ATAD5: variants seen among roughly 807,000 people sequenced by gnomAD.
The protein encoded by ATAD5 is ATPase family AAA domain-containing protein 5.
A neutral mutation model predicts 176.9 loss-of-function variants in ATAD5; 58 were observed. The observed-to-expected ratio is 0.33, with a 90% CI of 0.27 to 0.41. ATAD5 has a LOEUF of 0.41. ATAD5 is among the 10% of genes least tolerant of loss of function. ATAD5 has a pLI of 1.00. For synonymous variants in ATAD5, 640 were observed against 712.6 expected, an observed-to-expected ratio of 0.90 and a Z score of 1.62; for missense variants, 1,789 against 2,094.1, an observed-to-expected ratio of 0.85 and a Z score of 2.84.
At position 30,834,613 on chromosome 17, in the gene ATAD5, C is replaced by A; in HGVS notation, c.532C>A (p.Gln178Lys). The change falls in exon 2 of 23, where the codon CAA (glutamine) becomes AAA (lysine). Residue 178 changes from glutamine (Q) to lysine (K), a missense_variant. Physicochemically the swap from Gln to Lys is moderately conservative, Grantham distance 53. Transcript: ENST00000321990. ...LAENIQDTKS[Q>K]PNTMTSLQNS... ...AGAAAACATTCAAGATACAAAAAGT[C>A]AACCAAATACTATGACCTCCCTGCA... The A allele has an allele frequency of 6.2e-7, 1 of 1,611,286 alleles. No individual in the cohort carries two copies. Among genetic ancestry groups the A allele is most frequent in the South Asian group, 1.1e-5 (1 of 90,080 alleles).
intron 3 of ATAD5, among the ~76,000 whole-genome samples, chr17:30,837,775 G>A (rs1317191618): frequency 6.6e-6 from 1 of 152,074 alleles, no homozygotes; most frequent in South Asian, 2.1e-4. Flanking sequence ...AGAGAGAGGG[G>A]TCTCCACCCT....
chr17:30,884,675 C>T (rs1334346120), intron 18 of ATAD5, among the ~76,000 whole-genome samples: 6 of 150,612 alleles, frequency 4.0e-5, no homozygotes, highest in South Asian at 2.1e-4. Flanking sequence ...GTGATCTGCC[C>T]GCCTCGGCCT....
chr17:30,844,653 C>T (rs572288265), intron 5 of ATAD5, among the ~76,000 whole-genome samples, 182 bp from the exon 6 acceptor site: 28 of 136,964 alleles, frequency 2.0e-4, no homozygotes, highest in Admixed American at 3.3e-4. Context: ...GAGGCTGAGG[C>T]ATGAGAATCA....
In ATAD5 at chr17:30,831,976, C is replaced by A. The variant is rs920669410; in HGVS notation, c.-372C>A. ...TAAACTCCGCCCCTTGCGCGCAGGA[C>A]GGCGCGAAAACCCAATTGACAAGAA... On this transcript the variant is annotated 5_prime_UTR_variant, in exon 1 of 23. Transcript: ENST00000321990. 1.1e-4 allele frequency: 35 copies of A among 312,198 alleles called. No individual in the cohort carries two copies. Among genetic ancestry groups the A allele is most frequent in the South Asian group, 3.2e-4 (2 of 6,310 alleles). The allele number at this position is 312,198 out of a possible 1,614,324, so 19.3% of individuals were successfully genotyped here.
intron 14 of ATAD5, among the ~76,000 whole-genome samples, chr17:30,872,014 G>C (rs188963929): frequency 2.6e-5 from 4 of 152,246 alleles, no homozygotes; most frequent in Admixed American, 6.5e-5. Flanking sequence ...CTCGAAGTGG[G>C]CTTGGGCAAT....
At chr17:30,885,994 A>G (rs908326033) in intron 18 of ATAD5, among the ~76,000 whole-genome samples, 1 of 151,954 alleles carries the variant, frequency 6.6e-6, no homozygotes, top group Non-Finnish European at 1.5e-5. Context: ...TGTTGAAATC[A>G]TATTTTTCTA....
intron 10 of ATAD5, among the ~76,000 whole-genome samples, chr17:30,861,054 C>T (rs977115843): frequency 7.2e-5 from 11 of 152,028 alleles, no homozygotes; most frequent in Admixed American, 3.3e-4. Context: ...TCACCCACCT[C>T]GGCCTCCCAA....
At chr17:30,869,122 G>A (rs1039974444) in intron 12 of ATAD5, 126 bp from the exon 13 acceptor site, 3 of 1,144,644 alleles carry the variant, frequency 2.6e-6, no homozygotes, top group African/African-American at 1.6e-5. Flanking sequence ...CACTGCGTCC[G>A]GCCTGTATAA....
chr17:30,870,441 C>T (rs1443003605), intron 14 of ATAD5, among the ~76,000 whole-genome samples: 6 of 151,926 alleles, frequency 3.9e-5, no homozygotes, highest in Non-Finnish European at 8.8e-5. Context: ...GATCTATGGG[C>T]CTTATTAGAT....
Position 30,837,297 on chromosome 17 carries a change from A to G in ATAD5, c.2059A>G (p.Thr687Ala), listed in dbSNP as rs778073305. 2.5e-6 allele frequency: 4 copies of G among 1,569,378 alleles called. No homozygotes were observed. The highest frequency in any genetic ancestry group is 2.6e-6 in the Non-Finnish European group (3 of 1,159,964). ...EKSEATDGGF[T>A]SQIRKASNTS... is the part of the protein sequence containing the mutation. ...ATCTGAAGCAACTGATGGAGGTTTT[A>G]CTTCTCAGATTAGAAAGGTAATTAA... The change falls in exon 3 of 23, where the codon ACT (threonine) becomes GCT (alanine). Residue 687 changes from threonine to alanine, a missense_variant. This residue lies in a region of ATAD5 where 487 missense variants were observed against 573.6 expected (regional missense o/e 0.85). Transcript: ENST00000321990.
intron 2 of ATAD5, among the ~76,000 whole-genome samples, chr17:30,836,327 C>T (rs1229232839): frequency 2.6e-5 from 4 of 151,586 alleles, no homozygotes; most frequent in African/African-American, 4.8e-5. Flanking sequence ...TACAGGCACC[C>T]GCCACCACGC....
intron 18 of ATAD5, among the ~76,000 whole-genome samples, chr17:30,881,909 T>TC (rs143533458): frequency 0.096 from 14,201 of 147,910 alleles, 1,899 homozygotes; most frequent in African/African-American, 0.31. Context: ...CAAGACCCTG[T>TC]CCCCCCCCCA....
At chr17:30,846,270 G>A (rs906768624) in intron 6 of ATAD5, among the ~76,000 whole-genome samples, 1 of 151,918 alleles carries the variant, frequency 6.6e-6, no homozygotes, top group African/African-American at 2.4e-5. Flanking sequence ...ATTATTTTGT[G>A]TCTGGCTGCT....
chr17:30,874,024 G>A (rs868557901), intron 14 of ATAD5, among the ~76,000 whole-genome samples: 1 of 151,980 alleles, frequency 6.6e-6, no homozygotes, highest in Non-Finnish European at 1.5e-5. Context: ...AATTAGCCAG[G>A]TGTGGTGGTG....
Position 30,835,638 on chromosome 17 carries a change from T to C in ATAD5, c.1557T>C (p.Ser519=), listed in dbSNP as rs1905691990. 1 of 1,605,306 alleles carries C rather than the reference T, an allele frequency of 6.2e-7. No individual in the cohort carries two copies. The highest frequency in any genetic ancestry group is 8.5e-7 in the Non-Finnish European group (1 of 1,177,466). Residue 519 remains serine, a synonymous_variant, in exon 2 of 23, where the codon AGT becomes AGC. Coordinates refer to ENST00000321990, the MANE Select transcript of ATAD5 (RefSeq NM_024857.5). ...LKEKQYQNRM[S]LRQRKTEFFK... is the part of the protein sequence containing the mutation. ...AGAAACAATATCAAAATAGAATGAG[T>C]TTAAGACAAAGGAAAACAGAGTTTT...
intron 18 of ATAD5, among the ~76,000 whole-genome samples, chr17:30,879,967 T>C (rs1316231526): frequency 6.7e-6 from 1 of 150,308 alleles, no homozygotes; most frequent in Non-Finnish European, 1.5e-5. Flanking sequence ...GAGGTTACAG[T>C]GAGCTGAAAT....
At chr17:30,881,778 G>A (rs1320939288) in intron 18 of ATAD5, among the ~76,000 whole-genome samples, 1 of 151,986 alleles carries the variant, frequency 6.6e-6, no homozygotes, top group Non-Finnish European at 1.5e-5. Flanking sequence ...GCTGGATGTG[G>A]TAGCGCACAC....
At position 30,869,574 on chromosome 17, in the gene ATAD5, C is replaced by T. The variant is rs1244033902; in HGVS notation, c.3535C>T (p.Gln1179Ter). ...GTTGAAGGAAGCTACTCAGTCCCAT[C>T]AAGTAGACAAACAAGGTGTAAACTC... ...SQLKEATQSH[Q>*]VDKQGVNSQK... Residue 1179 changes from glutamine (Q) to a stop codon, truncating the protein, a stop_gained, in exon 14 of 23, where the codon CAA becomes TAA. Transcript: ENST00000321990. LOFTEE classifies it high-confidence loss of function. The T allele has an allele frequency of 1.2e-6, 2 of 1,609,822 alleles. No individual in the cohort carries two copies. The highest frequency in any genetic ancestry group is 8.5e-7 in the Non-Finnish European group (1 of 1,179,028).
intron 18 of ATAD5, among the ~76,000 whole-genome samples, chr17:30,882,480 C>T (rs900512787): frequency 6.6e-6 from 1 of 151,978 alleles, no homozygotes; most frequent in African/African-American, 2.4e-5. Flanking sequence ...GTCCCAGCTA[C>T]TTGGGAGGCT....
Sources: allele counts gnomAD v4.1 joint callset (sites outside exome capture counted in the v4.1 genomes callset), GRCh38; gene constraint gnomAD v4.1.1; regional missense constraint gnomAD v4.1.1; transcripts MANE v1.5; gene names NCBI Gene and HGNC (gene_info 2026-07-23, HGNC 2026-07-21).